The following ADAMTS6 variants were observed in gnomAD, a reference collection of about 807,000 sequenced individuals.
The protein encoded by ADAMTS6 is A disintegrin and metalloproteinase with thrombospondin motifs 6.
In ADAMTS6, 23 loss-of-function variants were observed where a neutral mutation model predicts 144.3. That is an observed-to-expected ratio of 0.16 (90% CI 0.11 to 0.23). The LOEUF (loss-of-function observed/expected upper bound fraction) is 0.23, where lower values mean the gene tolerates loss of function less well. Ranked by LOEUF, ADAMTS6 falls within the 10% of genes least tolerant of loss-of-function variation. The probability of loss-of-function intolerance (pLI) is 1.00; values close to 1 mark genes in which losing one functional copy is unlikely to be tolerated. For missense variants in ADAMTS6, 999 were observed against 1,379.6 expected, an observed-to-expected ratio of 0.72 and a Z score of 4.37; for synonymous variants, 444 against 457.5, an observed-to-expected ratio of 0.97 and a Z score of 0.38.
intron 8 of ADAMTS6, among the ~76,000 whole-genome samples, chr5:65,333,805 A>G (rs1277390989): frequency 1.3e-5 from 2 of 151,448 alleles, no homozygotes; most frequent in Non-Finnish European, 2.9e-5. Context: ...TCCAGTTGTC[A>G]AAAAAGCCAA....
intron 7 of ADAMTS6, among the ~76,000 whole-genome samples, chr5:65,443,764 C>T (rs1197314804): frequency 6.6e-6 from 1 of 150,858 alleles, no homozygotes; most frequent in East Asian, 1.9e-4. Context: ...TTCCAACACC[C>T]ATTCCTGATT....
intron 1 of ADAMTS6, among the ~76,000 whole-genome samples, chr5:65,476,835 G>A (rs138912999): frequency 4.7e-4 from 72 of 152,050 alleles, no homozygotes; most frequent in African/African-American, 1.6e-3. Flanking sequence ...GGATGGTCTC[G>A]ATCTCCTGAC....
At chr5:65,234,078 C>CAAAAAAAAAAAAAAAAA (rs3078364) in intron 15 of ADAMTS6, among the ~76,000 whole-genome samples, 1 of 90,384 alleles carries the variant, frequency 1.1e-5, no homozygotes, top group Non-Finnish European at 2.4e-5. Context: ...TGGTCACGTG[C>CAAAAAAAAAAAAAAAAA]AAAAAAAAAA....
At chr5:65,437,056 G>T (rs936257940) in intron 7 of ADAMTS6, among the ~76,000 whole-genome samples, 6 of 151,738 alleles carry the variant, frequency 4.0e-5, no homozygotes, top group Non-Finnish European at 8.8e-5. Flanking sequence ...GTCTCACATG[G>T]CAGCAGACAA....
chr5:65,298,631 T>G (rs536826410), intron 10 of ADAMTS6, among the ~76,000 whole-genome samples: 9 of 152,302 alleles, frequency 5.9e-5, no homozygotes, highest in African/African-American at 2.2e-4. Context: ...CAGTTTTCAC[T>G]GTAGGCAAGT....
intron 7 of ADAMTS6, among the ~76,000 whole-genome samples, chr5:65,421,126 T>C (rs190708081): frequency 1.2e-4 from 19 of 152,352 alleles, no homozygotes; most frequent in Admixed American, 2.6e-4. Flanking sequence ...GTTATCAAGA[T>C]ACTTTGTTTT....
intron 11 of ADAMTS6, among the ~76,000 whole-genome samples, chr5:65,275,413 AAGAAAAG>A (rs1182088225): frequency 4.8e-5 from 7 of 145,340 alleles, no homozygotes; most frequent in East Asian, 2.0e-4. Context: ...GAAAGAAAGA[AAGAAAAG>A]AAAGAAAGAA....
At chr5:65,187,734 A>C (rs2112172532) in intron 22 of ADAMTS6, among the ~76,000 whole-genome samples, 1 of 152,326 alleles carries the variant, frequency 6.6e-6, no homozygotes, top group Middle Eastern at 3.4e-3. Flanking sequence ...AACAGTAAGA[A>C]GGAGAAAAAC....
At chr5:65,168,319 A>G (rs1198389526) in intron 24 of ADAMTS6, among the ~76,000 whole-genome samples, 2 of 152,120 alleles carry the variant, frequency 1.3e-5, no homozygotes, top group African/African-American at 4.8e-5. Flanking sequence ...TAGGAATGCA[A>G]CTCACAAGGG....
At chr5:65,389,227 GAAAT>G (rs1752720508) in intron 7 of ADAMTS6, among the ~76,000 whole-genome samples, 1 of 151,770 alleles carries the variant, frequency 6.6e-6, no homozygotes, top group South Asian at 2.1e-4. Context: ...AAGAAAGAAA[GAAAT>G]AAAGGTTTCC....
intron 22 of ADAMTS6, among the ~76,000 whole-genome samples, chr5:65,182,676 T>C (rs1199858380): frequency 6.6e-6 from 1 of 152,160 alleles, no homozygotes; most frequent in Non-Finnish European, 1.5e-5. Context: ...GAAAGATACA[T>C]GCACAAAGAC....
chr5:65,371,359 G>C (rs1162360035), intron 7 of ADAMTS6, among the ~76,000 whole-genome samples: 1 of 152,044 alleles, frequency 6.6e-6, no homozygotes, highest in Non-Finnish European at 1.5e-5. Flanking sequence ...AGGCAAAGAA[G>C]TTGAAAACTT....
intron 10 of ADAMTS6, among the ~76,000 whole-genome samples, chr5:65,296,347 C>T (rs1032665319): frequency 2.6e-5 from 4 of 152,154 alleles, no homozygotes; most frequent in Non-Finnish European, 5.9e-5. Context: ...AATGTACTGC[C>T]TTCTAAGGCA....
intron 7 of ADAMTS6, among the ~76,000 whole-genome samples, 180 bp from the exon 8 acceptor site, chr5:65,334,265 C>T (rs561127288): frequency 6.6e-6 from 1 of 152,294 alleles, no homozygotes; most frequent in Non-Finnish European, 1.5e-5. Context: ...GGCAGCACTA[C>T]ACTCACAGCC....
intron 20 of ADAMTS6, among the ~76,000 whole-genome samples, chr5:65,211,897 G>A (rs1756554348): frequency 6.6e-6 from 1 of 152,220 alleles, no homozygotes; most frequent in East Asian, 1.9e-4. Context: ...CACTTATTGG[G>A]CCCCTACTAT....
chr5:65,150,538 A>T lies in ADAMTS6; in HGVS notation c.*1298T>A, dbSNP rs961988444. ...GCCATTCAGAGTATCCATAAAAAAT[A>T]AAAAATACTTGGTTGAGTGACTATT... On this transcript the variant is annotated 3_prime_UTR_variant, in exon 25 of 25. Transcript: ENST00000381055. The T allele has an allele frequency of 1.3e-5, 2 of 152,640 alleles. No homozygotes were observed. The highest frequency in any genetic ancestry group is 2.9e-5 in the Non-Finnish European group (2 of 68,030). 9.5% of individuals were successfully genotyped at this position (152,640 alleles called of 1,614,324 possible). A position where few individuals can be genotyped will look rare whatever the true frequency, so the allele number is the denominator to read the frequency against.
intron 9 of ADAMTS6, among the ~76,000 whole-genome samples, chr5:65,322,109 C>G (rs1451429420): frequency 2.0e-5 from 3 of 152,112 alleles, no homozygotes; most frequent in Non-Finnish European, 4.4e-5. Context: ...ATCCTAGCAG[C>G]ATTTATTGAA....
Position 65,349,786 on chromosome 5 carries a change from C to T in ADAMTS6, c.1074-15701G>A, listed in dbSNP as rs530195109. On this transcript the variant is annotated intron_variant, in intron 7 of 24. Transcript: ENST00000381055. Reference sequence around the variant, plus strand: ...AAGAGAATTGCTTGAACCCAAGAGGCGGAGGTTGCAGTGAGCCGAGATCGT... The same window carrying T: ...AAGAGAATTGCTTGAACCCAAGAGGTGGAGGTTGCAGTGAGCCGAGATCGT... 5.3e-5 allele frequency among the ~76,000 whole-genome samples: 8 copies of T among 150,026 alleles called. No individual in the cohort carries two copies. In the South Asian group the frequency reaches 1.1e-3, roughly 20 times the overall value.
chr5:65,350,684 C>T (rs761211588), intron 7 of ADAMTS6, among the ~76,000 whole-genome samples: 1 of 152,110 alleles, frequency 6.6e-6, no homozygotes, highest in Non-Finnish European at 1.5e-5. Context: ...GAGGGTGTCT[C>T]ACTCTGTCAC....
Sources: allele counts gnomAD v4.1 joint callset (sites outside exome capture counted in the v4.1 genomes callset), GRCh38; gene constraint gnomAD v4.1.1; transcripts MANE v1.5; gene names NCBI Gene and HGNC (gene_info 2026-07-23, HGNC 2026-07-21).